DNAJC2: variants seen among roughly 807,000 people sequenced by gnomAD.
The protein encoded by DNAJC2 is DnaJ heat shock protein family (Hsp40) member C2, also known as dnaJ homolog subfamily C member 2.
Under a neutral mutation model 94.0 loss-of-function variants are expected in DNAJC2, and 32 were observed. That is an observed-to-expected ratio of 0.34 (90% CI 0.26 to 0.46). The LOEUF is 0.46. DNAJC2 is among the 20% of genes least tolerant of loss of function. DNAJC2 has a pLI of 1.00. For synonymous variants in DNAJC2, 210 were observed against 229.7 expected, an observed-to-expected ratio of 0.91 and a Z score of 0.77; for missense variants, 550 against 719.5, an observed-to-expected ratio of 0.76 and a Z score of 2.69.
intron 13 of DNAJC2, 46 bp downstream of exon 13, chr7:103,316,784 C>T (rs192494564): frequency 6.7e-7 from 1 of 1,490,446 alleles, no homozygotes; most frequent in Non-Finnish European, 9.3e-7. Flanking sequence ...TACATTATCT[C>T]CAGGCTCCAG....
At chr7:103,314,114 A>C (rs1817912133) in intron 15 of DNAJC2, 1 of 985,430 alleles carries the variant, frequency 1.0e-6, no homozygotes, top group South Asian at 4.7e-5. Context: ...GGTGCCTAAG[A>C]AGCTTTTTTG....
intron 13 of DNAJC2, 65 bp from the exon 14 acceptor site, chr7:103,316,153 A>ATCTAATGGTTTTTGT: frequency 9.5e-7 from 1 of 1,051,794 alleles, no homozygotes; most frequent in Non-Finnish European, 1.4e-6. Flanking sequence ...AACGACAAAA[A>ATCTAATGGTTTTTGT]CCATTAGATT....
chr7:103,327,065 G>T (rs1037975436), intron 4 of DNAJC2, among the ~76,000 whole-genome samples: 4 of 152,166 alleles, frequency 2.6e-5, no homozygotes, highest in African/African-American at 9.7e-5. Context: ...AATATGAACG[G>T]TGTGCATACA....
chr7:103,329,830 C>T (rs1439995792), intron 3 of DNAJC2, among the ~76,000 whole-genome samples: 1 of 152,158 alleles, frequency 6.6e-6, no homozygotes, highest in Non-Finnish European at 1.5e-5. Flanking sequence ...CATCTAGTCA[C>T]TTAACTCTCT....
intron 4 of DNAJC2, chr7:103,327,240 C>G: frequency 1.6e-6 from 1 of 631,162 alleles, no homozygotes; most frequent in South Asian, 1.8e-5. Flanking sequence ...ACTAGGCTAG[C>G]AAAACATCTA....
chr7:103,316,917 C>A lies in DNAJC2; in HGVS notation c.1340G>T (p.Gly447Val), dbSNP rs1302445306. 2 of 1,614,052 alleles carry A rather than the reference C, an allele frequency of 1.2e-6. No individual in the cohort carries two copies. The highest frequency in any genetic ancestry group is 1.7e-6 in the Non-Finnish European group (2 of 1,179,946). The change falls in exon 13 of 17, where the codon GGT (glycine) becomes GTT (valine). Residue 447 changes from glycine to valine, a missense_variant. By Grantham distance (109) the Gly-to-Val change is moderately radical. Transcript: ENST00000379263. ...TGACCAATTTTTACTTCCATTTCCA[C>A]CTCCACCAGTTGATTTCTCTGTGTT... ...SKNTEKSTGG[G>V]GNGSKNWSED...
At chr7:103,344,536 A>C (rs1487946519) in intron 1 of DNAJC2, 23 bp downstream of exon 1, 1 of 1,613,588 alleles carries the variant, frequency 6.2e-7, no homozygotes, top group African/African-American at 1.3e-5. Flanking sequence ...GTGAGAAGGA[A>C]CCGAGGTTGG....
chr7:103,331,623 C>T (rs1378268579), intron 3 of DNAJC2, among the ~76,000 whole-genome samples: 1 of 152,210 alleles, frequency 6.6e-6, no homozygotes, highest in Non-Finnish European at 1.5e-5. Flanking sequence ...ATTTGCCTTT[C>T]TGTGCCTAGC....
Position 103,337,773 on chromosome 7 carries a change from C to T in DNAJC2, c.294G>A (p.Val98=), listed in dbSNP as rs1398519002. 5.0e-6 allele frequency: 8 copies of T among 1,613,440 alleles called. No individual in the cohort carries two copies. Among genetic ancestry groups the T allele is most frequent in the Non-Finnish European group, 6.8e-6 (8 of 1,179,916 alleles). The stretch of plus-strand genomic sequence containing the variant: ...TCTGTCTCTGTGTAGCCTTGTATCT[C>T]ACATGGCCAAGTCCAAGAACTGCAT... ...DHYAVLGLGH[V]RYKATQRQIK... Residue 98 remains valine, a synonymous_variant, in exon 3 of 17, where the codon GTG becomes GTA. Coordinates refer to ENST00000379263, the MANE Select transcript of DNAJC2 (RefSeq NM_014377.3).
intron 13 of DNAJC2, chr7:103,316,478 C>T (rs1370570395): frequency 8.9e-6 from 2 of 224,070 alleles, no homozygotes; most frequent in Non-Finnish European, 8.6e-6. Flanking sequence ...TAAACTCAAG[C>T]TCCAGCTTGA....
intron 3 of DNAJC2, chr7:103,329,049 C>T: frequency 8.4e-7 from 1 of 1,192,464 alleles, no homozygotes; most frequent in African/African-American, 1.6e-5. Context: ...CACAGTACGT[C>T]TAATTATTTA....
chr7:103,314,061 C>CA (rs762292395), intron 15 of DNAJC2: 2 of 985,344 alleles, frequency 2.0e-6, no homozygotes, highest in Non-Finnish European at 2.4e-6. Flanking sequence ...ACCACCTATT[C>CA]AAAACAAAGC....
chr7:103,337,633 G>A (rs1159805781), intron 3 of DNAJC2, 103 bp downstream of exon 3: 3 of 903,152 alleles, frequency 3.3e-6, no homozygotes, highest in Non-Finnish European at 5.2e-6. Flanking sequence ...GCTGTTAAAT[G>A]TAGTTATGGC....
chr7:103,312,727 G>C (rs1817817552), intron 16 of DNAJC2, 84 bp from the exon 17 acceptor site: 13 of 1,580,390 alleles, frequency 8.2e-6, no homozygotes, highest in Non-Finnish European at 1.1e-5. Flanking sequence ...AAGAATTCAA[G>C]CAACTAAGAT....
At chr7:103,312,743 G>A in intron 16 of DNAJC2, 100 bp from the exon 17 acceptor site, 2 of 1,549,578 alleles carry the variant, frequency 1.3e-6, no homozygotes, top group Non-Finnish European at 1.7e-6. Context: ...AAGATAGATA[G>A]TACTAAATAT....
At position 103,330,416 on chromosome 7, in the gene DNAJC2, T is replaced by A. The variant is rs143491137; in HGVS notation, c.332-2662A>T. On this transcript the variant is annotated intron_variant, in intron 3 of 16. Coordinates refer to ENST00000379263, the MANE Select transcript of DNAJC2 (RefSeq NM_014377.3). Reference sequence around the variant, plus strand: ...GATCCTCCCACCTCAGCCTCCCAAGTGGCTGGGATTACAGGTGCTCTCCAC... The same window carrying A: ...GATCCTCCCACCTCAGCCTCCCAAGAGGCTGGGATTACAGGTGCTCTCCAC... 3.2e-3 allele frequency among the ~76,000 whole-genome samples: 488 copies of A among 150,734 alleles called. 4 individuals carry two copies. The highest frequency in any genetic ancestry group is 0.011 in the African/African-American group (465 of 41,036).
At chr7:103,341,210 C>T (rs1302591981) in intron 2 of DNAJC2, among the ~76,000 whole-genome samples, 1 of 152,180 alleles carries the variant, frequency 6.6e-6, no homozygotes, top group African/African-American at 2.4e-5. Flanking sequence ...TCCCTTGCCC[C>T]CTTTCAAGCA....
chr7:103,335,248 T>C (rs1222555705), intron 3 of DNAJC2: 1 of 152,216 alleles, frequency 6.6e-6, no homozygotes. Flanking sequence ...GGTACCAGAT[T>C]TACATTTTTA....
rs1452347456 is a variant in DNAJC2 at position 103,326,456 on chromosome 7, A to G, written c.572+87T>C. ...GTGGAAATAATCTATAAATGAAACT[A>G]TTATCAGAGGGAAAGAGCAGAAACC... On this transcript the variant is annotated intron_variant, in intron 5 of 16. Coordinates refer to ENST00000379263, the MANE Select transcript of DNAJC2 (RefSeq NM_014377.3). The G allele has an allele frequency of 4.0e-5, 52 of 1,308,160 alleles. 1 individual carries two copies. The highest frequency in any genetic ancestry group is 2.0e-4 in the South Asian group (16 of 78,426). 81.0% of individuals were successfully genotyped at this position (1,308,160 alleles called of 1,614,324 possible). A position where few individuals can be genotyped will look rare whatever the true frequency, so the allele number is the denominator to read the frequency against.
Sources: gnomAD v4.1 joint callset for allele counts (sites outside exome capture counted in the v4.1 genomes callset) on GRCh38, gnomAD v4.1.1 for gene constraint, MANE v1.5 for transcripts, NCBI Gene and HGNC (gene_info 2026-07-23, HGNC 2026-07-21) for gene names.